C4orf36: variants seen among roughly 807,000 people sequenced by gnomAD.
C4orf36 encodes chromosome 4 open reading frame 36.
A neutral mutation model predicts 12.2 loss-of-function variants in C4orf36; 11 were observed. The observed-to-expected ratio is 0.90, with a 90% CI of 0.57 to 1.49. The LOEUF (loss-of-function observed/expected upper bound fraction) is 1.49, where lower values mean the gene tolerates loss of function less well. Ranked by LOEUF, C4orf36 falls within the 40% of genes most tolerant of loss-of-function variation. The pLI is 0.00. For missense variants in C4orf36, 137 were observed against 133.9 expected, an observed-to-expected ratio of 1.02 and a Z score of -0.11; for synonymous variants, 54 against 51.3, an observed-to-expected ratio of 1.05 and a Z score of -0.22.
At chr4:86,928,384 A>G in the C4orf36 span, among the ~76,000 whole-genome samples, 127 of 152,254 alleles carry the variant, frequency 8.3e-4, 1 homozygote, top group African/African-American at 2.7e-3. Flanking sequence ...AAAGAAGAGA[A>G]ATGCCCAGGA....
chr4:86,889,372 AAAT>A (rs1747305452), intron 2 of C4orf36, among the ~76,000 whole-genome samples: 3 of 151,980 alleles, frequency 2.0e-5, no homozygotes, highest in Non-Finnish European at 4.4e-5. Context: ...AAAAAAATGG[AAAT>A]AATCTTAATA....
chr4:86,912,387 C>T, the C4orf36 span, among the ~76,000 whole-genome samples: 1 of 152,166 alleles, frequency 6.6e-6, no homozygotes, highest in African/African-American at 2.4e-5. Context: ...GTTAAGGAAC[C>T]TATTGCCCAT....
chr4:86,893,203 C>T (rs972726266), upstream of C4orf36, among the ~76,000 whole-genome samples: 1 of 152,288 alleles, frequency 6.6e-6, no homozygotes, highest in African/African-American at 2.4e-5. Context: ...GTGGAGCCGA[C>T]GAATGAGTTC....
chr4:86,934,147 C>T, the C4orf36 span, among the ~76,000 whole-genome samples: 2 of 152,166 alleles, frequency 1.3e-5, no homozygotes, highest in African/African-American at 4.8e-5. Context: ...TTTTCTTCAT[C>T]CAAATAATTT....
At chr4:86,881,299 A>G (rs570566299) in intron 4 of C4orf36, among the ~76,000 whole-genome samples, 2 of 152,320 alleles carry the variant, frequency 1.3e-5, no homozygotes, top group East Asian at 3.9e-4. Flanking sequence ...GTTTTAATTA[A>G]ATTGTTATAA....
At chr4:86,886,103 G>C (rs1397673939) in intron 4 of C4orf36, among the ~76,000 whole-genome samples, 5 of 152,130 alleles carry the variant, frequency 3.3e-5, no homozygotes, top group Non-Finnish European at 7.4e-5. Flanking sequence ...CAGTTTGCCA[G>C]TATTTTATTG....
chr4:86,914,465 A>C, the C4orf36 span: 3 of 570,574 alleles, frequency 5.3e-6, no homozygotes, highest in Non-Finnish European at 8.8e-6. Flanking sequence ...CAGTGGCACG[A>C]TCTCAGCTCA....
At chr4:86,909,733 C>T in the C4orf36 span, among the ~76,000 whole-genome samples, 1 of 151,924 alleles carries the variant, frequency 6.6e-6, no homozygotes, top group Non-Finnish European at 1.5e-5. Context: ...AAATCCCCTG[C>T]CCAACTGTGC....
chr4:86,888,157 T>C lies in C4orf36; in HGVS notation c.184A>G (p.Thr62Ala). The C allele has an allele frequency of 1.9e-6, 3 of 1,614,114 alleles. No homozygotes were observed. The highest frequency in any genetic ancestry group is 2.5e-6 in the Non-Finnish European group (3 of 1,180,002). The change falls in exon 3 of 5, where the codon ACC (threonine) becomes GCC (alanine). Residue 62 changes from threonine (T) to alanine (A), a missense_variant. Coordinates refer to ENST00000295898, the MANE Select transcript of C4orf36 (RefSeq NM_144645.4). ...FGGSVQLTKC[T>A]TIKDGLLPSA... ...GGGAGCAGTCCATCTTTAATGGTGG[T>C]ACATTTTGTGAGCTGCACAGAACCA...
chr4:86,882,743 A>C (rs1560470730), intron 4 of C4orf36, among the ~76,000 whole-genome samples: 1 of 151,906 alleles, frequency 6.6e-6, no homozygotes, highest in East Asian at 1.9e-4. Context: ...CTAAAACCCC[A>C]CCCCAAAGTG....
At chr4:86,923,341 T>C in the C4orf36 span, among the ~76,000 whole-genome samples, 8 of 152,136 alleles carry the variant, frequency 5.3e-5, no homozygotes, top group African/African-American at 1.9e-4. Context: ...TCCTCCTACC[T>C]TGGCCTCCTA....
the C4orf36 span, among the ~76,000 whole-genome samples, chr4:86,918,976 C>A: frequency 6.6e-6 from 1 of 152,188 alleles, no homozygotes; most frequent in African/African-American, 2.4e-5. Context: ...TCCTCAGAGC[C>A]AGGGAAGCTG....
chr4:86,896,841 C>T (rs369869587), upstream of C4orf36, among the ~76,000 whole-genome samples: 26 of 152,310 alleles, frequency 1.7e-4, no homozygotes, highest in African/African-American at 6.0e-4. Context: ...ATCTCCTACT[C>T]CCTAAATCAT....
At chr4:86,901,663 G>A in the C4orf36 span, among the ~76,000 whole-genome samples, 3 of 151,702 alleles carry the variant, frequency 2.0e-5, no homozygotes, top group Non-Finnish European at 4.4e-5. Context: ...TGCCCGCCTC[G>A]GCCTCCCAAA....
chr4:86,888,403 T>C (rs1578778382), intron 2 of C4orf36, 128 bp from the exon 3 acceptor site: 1 of 785,966 alleles, frequency 1.3e-6, no homozygotes. Flanking sequence ...GAGGGGGAGA[T>C]GTTCAGAATT....
chr4:86,923,240 T>C, the C4orf36 span, among the ~76,000 whole-genome samples: 1 of 151,966 alleles, frequency 6.6e-6, no homozygotes, highest in Non-Finnish European at 1.5e-5. Context: ...TACAGGTATG[T>C]ACCACTATGC....
chr4:86,906,311 A>G, the C4orf36 span, among the ~76,000 whole-genome samples: 3 of 152,240 alleles, frequency 2.0e-5, no homozygotes, highest in African/African-American at 7.2e-5. Flanking sequence ...AGATTGAACA[A>G]TACTTCTCAG....
chr4:86,916,327 G>C, the C4orf36 span, among the ~76,000 whole-genome samples: 1 of 112,268 alleles, frequency 8.9e-6, no homozygotes, highest in African/African-American at 3.7e-5. Flanking sequence ...AGGATGCTCT[G>C]AATAACCAAA....
At chr4:86,913,231 G>A in the C4orf36 span, 1 of 533,416 alleles carries the variant, frequency 1.9e-6, no homozygotes, top group Non-Finnish European at 3.6e-6. Flanking sequence ...TTGTTGTGCT[G>A]GATGGCGGAA....
Sources: gnomAD v4.1 joint callset for allele counts (sites outside exome capture counted in the v4.1 genomes callset) on GRCh38, gnomAD v4.1.1 for gene constraint, MANE v1.5 for transcripts, NCBI Gene and HGNC (gene_info 2026-07-23, HGNC 2026-07-21) for gene names.